The following KRT4 variants were observed in gnomAD, a reference collection of about 807,000 sequenced individuals.
KRT4 encodes keratin 4, also known as keratin, type II cytoskeletal 4.
Under a neutral mutation model 50.6 loss-of-function variants are expected in KRT4, and 47 were observed. The ratio of observed to expected loss-of-function variants is 0.93; its 90% CI spans 0.73 to 1.18. The LOEUF is 1.18. Among genes scored for constraint, KRT4 ranks in the 50% most tolerant of loss-of-function variants. KRT4 has a pLI of 0.00. For missense variants in KRT4, 651 were observed against 645.7 expected (o/e 1.01, Z -0.09); for synonymous variants, 254 against 251.2 (o/e 1.01, Z -0.10).
chr12:52,807,543 A>G, intron 7 of KRT4, 101 bp downstream of exon 7: 3 of 1,501,776 alleles, frequency 2.0e-6, no homozygotes, highest in Non-Finnish European at 2.8e-6. Flanking sequence ...TTCGTAATGC[A>G]CCGGCACAAC....
chr12:52,807,334 T>C, intron 8 of KRT4, 25 bp downstream of exon 8: 1 of 1,614,120 alleles, frequency 6.2e-7, no homozygotes. Context: ...AATGAACAAC[T>C]ACAGCAGGCG....
At chr12:52,809,746 G>C (rs1285300580) in intron 3 of KRT4, among the ~76,000 whole-genome samples, 1 of 152,196 alleles carries the variant, frequency 6.6e-6, no homozygotes, top group Admixed American at 6.5e-5. Context: ...AGCAATCCCA[G>C]TGCTGGAATT....
At chr12:52,810,519 C>G (rs1231216142) in intron 3 of KRT4, among the ~76,000 whole-genome samples, 1 of 151,984 alleles carries the variant, frequency 6.6e-6, no homozygotes, top group African/African-American at 2.4e-5. Context: ...TGCACTGCAG[C>G]CTGGGCAAAA....
intron 4 of KRT4, 41 bp from the exon 5 acceptor site, chr12:52,808,891 C>G (rs1299273365): frequency 1.2e-6 from 2 of 1,607,004 alleles, no homozygotes; most frequent in Middle Eastern, 1.6e-4. Context: ...CCAGGAAAGC[C>G]TTCACTGACC....
chr12:52,812,175 AG>A (rs1332594759), intron 1 of KRT4, among the ~76,000 whole-genome samples, 198 bp from the exon 2 acceptor site: 1 of 152,210 alleles, frequency 6.6e-6, no homozygotes. Context: ...CATAGCACCA[AG>A]GGGTCACATA....
At chr12:52,808,464 G>A (rs766390021) in intron 5 of KRT4, 45 bp from the exon 6 acceptor site, 14 of 1,611,550 alleles carry the variant, frequency 8.7e-6, no homozygotes, top group Non-Finnish European at 1.2e-5. Flanking sequence ...AGGGGCATTT[G>A]GGTAGGGTCC....
intron 6 of KRT4, 69 bp from the exon 7 acceptor site, chr12:52,807,933 C>T: frequency 1.5e-6 from 2 of 1,373,634 alleles, no homozygotes; most frequent in Non-Finnish European, 1.0e-6. Flanking sequence ...CCTGTCCCCT[C>T]CCCTGGTCCA....
chr12:52,806,941 T>G lies in KRT4; in HGVS notation c.*128A>C. The G allele has an allele frequency of 1.1e-6, 1 of 886,846 alleles. No individual in the cohort carries two copies. Among genetic ancestry groups the G allele is most frequent in the Non-Finnish European group, 1.8e-6 (1 of 544,652 alleles). The allele number at this position is 886,846 out of a possible 1,614,324, so 54.9% of individuals were successfully genotyped here. On this transcript the variant is annotated 3_prime_UTR_variant, in exon 9 of 9. Transcript: ENST00000551956. ...ATCATCCTGGGGCAGAGAGAGCCCA[T>G]GGGATAGTGGAGGGGATACTAGTAA...
chr12:52,808,629 C>T lies in KRT4; in HGVS notation c.999+57G>A, dbSNP rs1056742541. 12 of 1,584,490 alleles carry T rather than the reference C, an allele frequency of 7.6e-6. 1 individual carries two copies. In the African/African-American group the frequency reaches 9.4e-5, roughly 12 times the overall value. On this transcript the variant is annotated intron_variant, in intron 5 of 8. Coordinates refer to ENST00000551956, the MANE Select transcript of KRT4 (RefSeq NM_002272.4). Reference sequence around the variant, plus strand: ...GAGCTAATGATCACCTGTTCACAGACATCAAAAGCAGAGCCCCAGAGCCAG... The same window carrying T: ...GAGCTAATGATCACCTGTTCACAGATATCAAAAGCAGAGCCCCAGAGCCAG...
At chr12:52,810,605 T>C (rs1470565186) in intron 3 of KRT4, 151 bp downstream of exon 3, 5 of 690,180 alleles carry the variant, frequency 7.2e-6, no homozygotes, top group South Asian at 5.0e-5. Flanking sequence ...CCTGGTTTGG[T>C]TACCCACTTT....
intron 1 of KRT4, among the ~76,000 whole-genome samples, chr12:52,812,744 A>C (rs936758010): frequency 1.3e-5 from 2 of 152,244 alleles, no homozygotes; most frequent in African/African-American, 4.8e-5. Flanking sequence ...TAGTCACAGT[A>C]AAACCTCTTT....
chr12:52,808,839 C>T lies in KRT4; in HGVS notation c.846G>A (p.Gln282=), dbSNP rs762997732. 1.2e-6 allele frequency: 2 copies of T among 1,614,166 alleles called. No homozygotes were observed. Among genetic ancestry groups the T allele is most frequent in the Admixed American group, 1.7e-5 (1 of 60,030 alleles). ...ACGTGTCGCTGACATGGGTCTGCAT[C>T]TGGGACAGCTCCTGCAGGGCAAATG... ...LKVLYDAELS[Q]MQTHVSDTSV... is the part of the protein sequence containing the mutation. Residue 282 remains glutamine, a synonymous_variant, in exon 5 of 9, where the codon CAG becomes CAA. Coordinates refer to ENST00000551956, the MANE Select transcript of KRT4 (RefSeq NM_002272.4).
At chr12:52,812,660 G>A (rs1939932926) in intron 1 of KRT4, among the ~76,000 whole-genome samples, 1 of 152,120 alleles carries the variant, frequency 6.6e-6, no homozygotes, top group Non-Finnish European at 1.5e-5. Flanking sequence ...GAACCCAAAA[G>A]GTAAAATGAG....
rs768566711 is a variant in KRT4, at chr12:52,807,764, T to A, written c.1226A>T (p.Gln409Leu). 6.2e-7 allele frequency: 1 copy of A among 1,614,114 alleles called. No individual in the cohort carries two copies. The highest frequency in any genetic ancestry group is 1.3e-5 in the African/African-American group (1 of 74,946). ...TCGTGCCAGCTCCTCCTTGGCCTGC[T>A]GCAGGGCAGCCTCCAGCTCTACGCG... ...SKRVELEAAL[Q>L]QAKEELARML... Residue 409 changes from glutamine (Q) to leucine (L), a missense_variant, in exon 7 of 9, where the codon CAG (glutamine) becomes CTG (leucine). By Grantham distance (113) the Gln-to-Leu change is moderately radical. Transcript: ENST00000551956.
intron 1 of KRT4, among the ~76,000 whole-genome samples, chr12:52,812,476 C>G (rs1939930179): frequency 6.6e-6 from 1 of 152,114 alleles, no homozygotes; most frequent in African/African-American, 2.4e-5. Context: ...AAAACAAGGG[C>G]CCTGTACGCA....
At chr12:52,809,011 G>C (rs1184009042) in intron 4 of KRT4, 161 bp from the exon 5 acceptor site, 2 of 788,062 alleles carry the variant, frequency 2.5e-6, no homozygotes, top group Non-Finnish European at 4.3e-6. Flanking sequence ...CAGGATGGAA[G>C]AGCAATGCTT....
intron 2 of KRT4, 153 bp from the exon 3 acceptor site, chr12:52,810,969 C>A (rs956603089): frequency 5.8e-6 from 4 of 684,716 alleles, no homozygotes; most frequent in Non-Finnish European, 8.0e-6. Flanking sequence ...ATTCATTTAA[C>A]CTATATTCAT....
Position 52,807,232 on chromosome 12 carries a change from G to A in KRT4, c.1400C>T (p.Thr467Ile). The A allele has an allele frequency of 3.1e-6, 5 of 1,614,202 alleles. No individual in the cohort carries two copies. The highest frequency in any genetic ancestry group is 4.2e-6 in the Non-Finnish European group (5 of 1,180,040). ...TCCTCCGCTGATGCCTCCAGTGCTG[G>A]TGCTACCGCTGACCACAGCTGCAGA... is the stretch of plus-strand genomic sequence containing the variant. ...AVSISVVSGS[T>I]STGGISGGLG... Residue 467 changes from threonine (T) to isoleucine (I), a missense_variant, in exon 9 of 9, where the codon ACC becomes ATC. Physicochemically the swap from Thr to Ile is moderately conservative, Grantham distance 89. Transcript: ENST00000551956.
Position 52,813,659 on chromosome 12 carries a change from G to C in KRT4, c.400C>G (p.Arg134Gly), listed in dbSNP as rs766139146. ...TTGATCTGTTCGCGCTCTTCCGTCC[G>C]GACTTTCTGGATCTCAGGGTCAATC... is the stretch of plus-strand genomic sequence containing the variant. ...VEIDPEIQKV[R>G]TEEREQIKLL... Residue 134 changes from arginine to glycine, a missense_variant, in exon 1 of 9, where the codon CGG (arginine) becomes GGG (glycine). Physicochemically the swap from Arg to Gly is moderately radical, Grantham distance 125. Coordinates refer to ENST00000551956, the MANE Select transcript of KRT4 (RefSeq NM_002272.4). The C allele has an allele frequency of 6.2e-7, 1 of 1,614,060 alleles. No homozygotes were observed. The highest frequency in any genetic ancestry group is 1.1e-5 in the South Asian group (1 of 91,082).
Sources: allele counts gnomAD v4.1 joint callset (sites outside exome capture counted in the v4.1 genomes callset), GRCh38; gene constraint gnomAD v4.1.1; transcripts MANE v1.5; gene names NCBI Gene and HGNC (gene_info 2026-07-23, HGNC 2026-07-21).